The following STK31 variants were observed in gnomAD, a reference collection of about 807,000 sequenced individuals.
STK31 encodes serine/threonine-protein kinase 31.
STK31 carries 89 observed loss-of-function variants against 129.7 expected under a neutral mutation model. The ratio of observed to expected loss-of-function variants is 0.69; its 90% CI spans 0.58 to 0.82. The LOEUF (loss-of-function observed/expected upper bound fraction) is 0.82. STK31 is among the 40% of genes least tolerant of loss of function. The pLI is 0.00. For synonymous variants in STK31, 448 were observed against 395.3 expected (o/e 1.13, Z -1.58); for missense variants, 1,187 against 1,176.4 (o/e 1.01, Z -0.13).
At chr7:23,821,542 G>C (rs1175032632) in intron 23 of STK31, among the ~76,000 whole-genome samples, 1 of 152,002 alleles carries the variant, frequency 6.6e-6, no homozygotes, top group African/African-American at 2.4e-5. Flanking sequence ...TGTATATTCT[G>C]GATATTAGTC....
rs569208307 is a variant in STK31 at position 23,786,800 on chromosome 7, T to C, written c.2401-38T>C. ...GTATGCTAAAAATATGTTGAAGAAG[T>C]TTTTACTTGGAGTCACATTCTCTGT... On this transcript the variant is annotated intron_variant, in intron 19 of 23. Transcript: ENST00000355870. 3.8e-6 allele frequency: 6 copies of C among 1,590,094 alleles called. No homozygotes were observed. In the East Asian group the frequency reaches 1.1e-4, roughly 30 times the overall value.
intron 3 of STK31, 67 bp from the exon 4 acceptor site, chr7:23,717,414 A>G: frequency 9.2e-7 from 1 of 1,090,930 alleles, no homozygotes; most frequent in Non-Finnish European, 1.3e-6. Context: ...CATGCTTAGA[A>G]CCCTCAAGCG....
chr7:23,796,049 T>C (rs1204223319), intron 22 of STK31, among the ~76,000 whole-genome samples: 1 of 152,182 alleles, frequency 6.6e-6, no homozygotes, highest in Non-Finnish European at 1.5e-5. Context: ...GTTTTTGAAA[T>C]GTGAAGACAT....
intron 22 of STK31, among the ~76,000 whole-genome samples, chr7:23,806,901 G>GAAAAAAAAAA (rs34751124): frequency 1.3e-5 from 1 of 75,972 alleles, no homozygotes; most frequent in Admixed American, 1.6e-4. Context: ...CTCCGTCTCA[G>GAAAAAAAAAA]AAAAAAAAAA....
rs192231440 is a variant in STK31, at chr7:23,815,896, G to C, written c.2829+684G>C. Among the ~76,000 whole-genome samples the C allele has an allele frequency of 3.8e-3, 579 of 152,150 alleles. 4 individuals carry two copies. The highest frequency in any genetic ancestry group is 0.02 in the Middle Eastern group (6 of 294). ...GGAATTCAGTATGACTAGATATAAAGAGGATAAATATGGCAGTAAATGAGT... is the reference window on the plus strand; with the variant it reads ...GGAATTCAGTATGACTAGATATAAACAGGATAAATATGGCAGTAAATGAGT... On this transcript the variant is annotated intron_variant, in intron 23 of 23. Transcript: ENST00000355870.
At chr7:23,770,864 C>A in intron 13 of STK31, 141 bp from the exon 14 acceptor site, 1 of 877,828 alleles carries the variant, frequency 1.1e-6, no homozygotes, top group Non-Finnish European at 1.7e-6. Flanking sequence ...ACTAGGAAAA[C>A]ATTTGTGTTT....
intron 21 of STK31, among the ~76,000 whole-genome samples, chr7:23,788,403 A>C (rs116827125): frequency 1.9e-4 from 29 of 152,262 alleles, no homozygotes; most frequent in African/African-American, 6.5e-4. Flanking sequence ...GAAACATTTA[A>C]TTGCTAGGAA....
intron 15 of STK31, among the ~76,000 whole-genome samples, chr7:23,776,270 G>A (rs1273561191): frequency 1.3e-5 from 2 of 152,170 alleles, no homozygotes; most frequent in Admixed American, 6.6e-5. Context: ...GTTCGTCAGG[G>A]ATATTGGCCT....
Position 23,744,079 on chromosome 7 carries a change from T to A in STK31, c.1017+7001T>A, listed in dbSNP as rs140899549. Among the ~76,000 whole-genome samples, 91 of 151,868 alleles carry A rather than the reference T, an allele frequency of 6.0e-4. 1 individual carries two copies. The highest frequency in any genetic ancestry group is 1.8e-3 in the African/African-American group (75 of 41,462). ...GGACTACAGGTGCATGCCACCATGC[T>A]GAGCTAATATTTTAAATTTTTATTA... On this transcript the variant is annotated intron_variant, in intron 8 of 23. Coordinates refer to ENST00000355870, the MANE Select transcript of STK31 (RefSeq NM_031414.5).
chr7:23,810,970 A>G (rs2128125528), intron 22 of STK31, among the ~76,000 whole-genome samples: 1 of 146,998 alleles, frequency 6.8e-6, no homozygotes, highest in Non-Finnish European at 1.5e-5. Flanking sequence ...CACCTACATG[A>G]TGTCTTATTT....
chr7:23,785,974 C>G (rs1251761384), intron 18 of STK31, among the ~76,000 whole-genome samples: 1 of 151,780 alleles, frequency 6.6e-6, no homozygotes, highest in Non-Finnish European at 1.5e-5. Context: ...GCACATGTAC[C>G]CTAGAACTTA....
chr7:23,811,523 A>C, intron 22 of STK31: 1 of 280,018 alleles, frequency 3.6e-6, no homozygotes, highest in Admixed American at 3.9e-5. Flanking sequence ...ACCAATGAGC[A>C]AGTCATCAAT....
intron 23 of STK31, among the ~76,000 whole-genome samples, chr7:23,829,067 A>ATT (rs111754673): frequency 7.0e-6 from 1 of 143,518 alleles, no homozygotes; most frequent in South Asian, 2.2e-4. Flanking sequence ...TGCCCAGCAA[A>ATT]TTTTTTTTTT....
chr7:23,797,350 A>G (rs896479302), intron 22 of STK31, among the ~76,000 whole-genome samples: 5 of 152,174 alleles, frequency 3.3e-5, no homozygotes, highest in Admixed American at 6.5e-5. Context: ...TCAGAAATTG[A>G]CCACATTATT....
chr7:23,758,650 G>A (rs1486689284), intron 10 of STK31, among the ~76,000 whole-genome samples: 2 of 152,048 alleles, frequency 1.3e-5, no homozygotes, highest in Non-Finnish European at 2.9e-5. Context: ...TCTGTGTCCT[G>A]GAGATTCTGG....
intron 22 of STK31, among the ~76,000 whole-genome samples, chr7:23,804,249 T>C (rs1361885479): frequency 2.0e-5 from 3 of 152,136 alleles, no homozygotes; most frequent in Admixed American, 1.3e-4. Context: ...ACATTTTCAG[T>C]GTTGCTTTCC....
chr7:23,749,477 G>T (rs1475632805), intron 8 of STK31, among the ~76,000 whole-genome samples: 3 of 150,152 alleles, frequency 2.0e-5, no homozygotes, highest in African/African-American at 7.3e-5. Context: ...TGAGTAACTG[G>T]GACTACAGGT....
chr7:23,725,372 CAAAAAAA>C (rs57280021), intron 4 of STK31, among the ~76,000 whole-genome samples: 27 of 57,756 alleles, frequency 4.7e-4, no homozygotes, highest in African/African-American at 1.8e-3. Flanking sequence ...CCTGTTTCTA[CAAAAAAA>C]AAAAAAAAAA....
chr7:23,748,682 T>C (rs1319920150), intron 8 of STK31, among the ~76,000 whole-genome samples: 1 of 152,236 alleles, frequency 6.6e-6, no homozygotes, highest in Non-Finnish European at 1.5e-5. Flanking sequence ...ATAGTAAATA[T>C]ATCTTCTCTT....
Sources: gnomAD v4.1 joint callset for allele counts (sites outside exome capture counted in the v4.1 genomes callset) on GRCh38, gnomAD v4.1.1 for gene constraint, MANE v1.5 for transcripts, NCBI Gene and HGNC (gene_info 2026-07-23, HGNC 2026-07-21) for gene names.